The following PCDHGA2 variants were observed in gnomAD, a reference collection of about 807,000 sequenced individuals.
PCDHGA2 encodes protocadherin gamma-A2.
In PCDHGA2, 40 loss-of-function variants were observed where a neutral mutation model predicts 59.2. The ratio of observed to expected loss-of-function variants is 0.68; its 90% CI spans 0.52 to 0.88. The LOEUF is 0.88. PCDHGA2 is among the 40% of genes least tolerant of loss of function. The pLI, the probability that PCDHGA2 is intolerant of heterozygous loss-of-function variation, is 0.00. For missense variants in PCDHGA2, 1,226 were observed against 1,204.0 expected (o/e 1.02, Z -0.27); for synonymous variants, 560 against 526.0 (o/e 1.06, Z -0.89).
chr5:141,431,146 T>G lies in PCDHGA2; in HGVS notation c.2425-63661T>G. On this transcript the variant is annotated intron_variant, in intron 1 of 3. Coordinates refer to ENST00000394576, the MANE Select transcript of PCDHGA2 (RefSeq NM_018915.4). The surrounding 1 kb of genome is among the most constrained non-coding windows in gnomAD (Gnocchi z 4.8). The stretch of plus-strand genomic sequence containing the variant: ...TAGAAGTAAGGGACATTAACGACAA[T>G]GCGCCTTACTTTCGTGAAAGTGAAT... 6.2e-7 allele frequency: 1 copy of G among 1,614,124 alleles called. No individual in the cohort carries two copies. Among genetic ancestry groups the G allele is most frequent in the African/African-American group, 1.3e-5 (1 of 75,022 alleles).
At position 141,491,346 on chromosome 5, in the gene PCDHGA2, T is replaced by A. The variant is rs760843553; in HGVS notation, c.2425-3461T>A. ...TCATTGTGGCTCTAGCGACCGTCAG[T>A]CTCTTATCCCTAGTCACCTTCACCT... On this transcript the variant is annotated intron_variant, in intron 1 of 3. Coordinates refer to ENST00000394576, the MANE Select transcript of PCDHGA2 (RefSeq NM_018915.4). This position sits in a 1 kb window ranked among gnomAD's most constrained non-coding sequence, Gnocchi z 6.9. The A allele has an allele frequency of 6.2e-7, 1 of 1,614,088 alleles. No individual in the cohort carries two copies. The highest frequency in any genetic ancestry group is 1.1e-5 in the South Asian group (1 of 91,080).
chr5:141,371,080 G>C (rs1409150939), intron 1 of PCDHGA2: 1 of 1,613,876 alleles, frequency 6.2e-7, no homozygotes, highest in East Asian at 2.2e-5. Context: ...ACCCAGATCA[G>C]GGTAATTGTC....
rs968865313 is a variant in PCDHGA2, at chr5:141,511,294, C to T, written c.*121C>T. 1 of 1,506,752 alleles carries T rather than the reference C, an allele frequency of 6.6e-7. No individual in the cohort carries two copies. Among genetic ancestry groups the T allele is most frequent in the Non-Finnish European group, 8.9e-7 (1 of 1,123,692 alleles). 93.3% of individuals were successfully genotyped at this position (1,506,752 alleles called of 1,614,324 possible). On this transcript the variant is annotated 3_prime_UTR_variant, in exon 4 of 4. Coordinates refer to ENST00000394576, the MANE Select transcript of PCDHGA2 (RefSeq NM_018915.4). ...CCCAGAATACTGGTAGGGGCCAAGG[C>T]CATGCTCCCCTTGGGAAACAGAAAC...
intron 1 of PCDHGA2, among the ~76,000 whole-genome samples, chr5:141,387,466 C>G (rs1589036513): frequency 6.6e-6 from 1 of 152,194 alleles, no homozygotes; most frequent in Non-Finnish European, 1.5e-5. Context: ...TAAAAATCCT[C>G]AAAGTTGGGA....
At chr5:141,364,497 C>T (rs768698440) in intron 1 of PCDHGA2, 1 of 1,614,016 alleles carries the variant, frequency 6.2e-7, no homozygotes. Flanking sequence ...GGGCTGGAGC[C>T]CCAGGAGCTG....
intron 1 of PCDHGA2, among the ~76,000 whole-genome samples, chr5:141,443,679 A>G (rs1158105871): frequency 6.6e-6 from 1 of 152,268 alleles, no homozygotes; most frequent in African/African-American, 2.4e-5. Flanking sequence ...AGTAGTTTAC[A>G]AACACTTCAA....
chr5:141,438,635 T>C (rs1325567714), intron 1 of PCDHGA2, among the ~76,000 whole-genome samples: 9 of 33,420 alleles, frequency 2.7e-4, no homozygotes, highest in East Asian at 1.8e-3. Flanking sequence ...TATATATATA[T>C]ACACACACAC....
rs760550572 is a variant in PCDHGA2 at position 141,340,694 on chromosome 5, G to T, written c.1723G>T (p.Val575Leu). The change falls in exon 1 of 4, where the codon GTG becomes TTG. Residue 575 changes from valine to leucine, a missense_variant. Val to Leu is a conservative substitution (Grantham distance 32, BLOSUM62 1). Transcript: ENST00000394576. ...CTTCCCCACAGACGGTTCCACTGGCGTGGAGCTGGCGCCCCGCTCCGCAGA... is the reference window on the plus strand; with the variant it reads ...CTTCCCCACAGACGGTTCCACTGGCTTGGAGCTGGCGCCCCGCTCCGCAGA... ...PAFPTDGSTGVELAPRSAEPG... is the reference protein window; with the variant it reads ...PAFPTDGSTGLELAPRSAEPG... 1 of 1,614,176 alleles carries T rather than the reference G, an allele frequency of 6.2e-7. No individual in the cohort carries two copies. Among genetic ancestry groups the T allele is most frequent in the South Asian group, 1.1e-5 (1 of 91,086 alleles).
chr5:141,378,535 T>C (rs1235721694), intron 1 of PCDHGA2: 1 of 152,092 alleles, frequency 6.6e-6, no homozygotes, highest in Non-Finnish European at 1.5e-5. Context: ...AAAATAATAA[T>C]GATAATTAAT....
At chr5:141,385,370 A>G (rs1165174523) in intron 1 of PCDHGA2, 1 of 1,530,088 alleles carries the variant, frequency 6.5e-7, no homozygotes, top group South Asian at 1.3e-5. Flanking sequence ...TATTTGCATG[A>G]TATTTCTCTA....
chr5:141,502,087 C>T (rs1289663374), intron 2 of PCDHGA2, among the ~76,000 whole-genome samples: 1 of 152,180 alleles, frequency 6.6e-6, no homozygotes, highest in Admixed American at 6.5e-5. Context: ...GGGCTGAGAA[C>T]ACCTGGCCTT....
intron 1 of PCDHGA2, chr5:141,388,093 C>T: frequency 7.3e-7 from 1 of 1,371,560 alleles, no homozygotes; most frequent in South Asian, 1.3e-5. Context: ...CGCGTCAGTT[C>T]GGAGAAGCCT....
intron 1 of PCDHGA2, chr5:141,395,373 G>A (rs2150613921): frequency 1.7e-6 from 2 of 1,189,412 alleles, no homozygotes; most frequent in African/African-American, 3.1e-5. Context: ...TATTTTGGTG[G>A]TGTTACTATA....
chr5:141,498,509 C>T (rs2099784058), intron 2 of PCDHGA2, among the ~76,000 whole-genome samples: 1 of 151,740 alleles, frequency 6.6e-6, no homozygotes, highest in East Asian at 1.9e-4. Flanking sequence ...TCCCTCCCCA[C>T]CATCTTGCCC....
chr5:141,376,118 G>T, intron 1 of PCDHGA2: 1 of 1,613,826 alleles, frequency 6.2e-7, no homozygotes, highest in Non-Finnish European at 8.5e-7. Context: ...GGGCAGCCTC[G>T]AGCCCTCCGC....
intron 1 of PCDHGA2, chr5:141,364,853 A>G (rs1352459567): frequency 6.2e-7 from 1 of 1,614,022 alleles, no homozygotes; most frequent in Non-Finnish European, 8.5e-7. Context: ...GCTCAGCTCC[A>G]ATCTGCACTT....
rs369204878 is a variant in PCDHGA2, at chr5:141,345,264, G to A, written c.2424+3869G>A. 11 of 1,613,796 alleles carry A rather than the reference G, an allele frequency of 6.8e-6. No homozygotes were observed. The highest frequency in any genetic ancestry group is 6.7e-5 in the African/African-American group (5 of 74,872). On this transcript the variant is annotated intron_variant, in intron 1 of 3. Transcript: ENST00000394576. ...CCGCTTAGTGACGGCCACATCCCTG[G>A]ACCGCGAACAAATATCAGAATATAA... is the stretch of plus-strand genomic sequence containing the variant.
At position 141,390,867 on chromosome 5, in the gene PCDHGA2, CGTGT is replaced by C. The variant is rs61319619; in HGVS notation, c.2424+49490_2424+49493del. The C allele has an allele frequency of 5.1e-4, 77 of 151,148 alleles. No homozygotes were observed. The East Asian group carries it at 6.0e-3, about 12-fold the overall frequency. 9.4% of individuals were successfully genotyped at this position (151,148 alleles called of 1,614,324 possible). A position where few individuals can be genotyped will look rare whatever the true frequency, so the allele number is the denominator to read the frequency against. On this transcript the variant is annotated intron_variant, in intron 1 of 3. Coordinates refer to ENST00000394576, the MANE Select transcript of PCDHGA2 (RefSeq NM_018915.4). ...TTATATGCAGTGTACGCTGTGTGTG[CGTGT>C]GTGTGTGTGTGTGTGTGAGAGAGAT...
At chr5:141,386,155 C>T (rs763846568) in intron 1 of PCDHGA2, among the ~76,000 whole-genome samples, 3 of 152,278 alleles carry the variant, frequency 2.0e-5, no homozygotes, top group South Asian at 2.1e-4. Flanking sequence ...AACTGTCTCA[C>T]GTACTCAAAC....
Sources: allele counts gnomAD v4.1 joint callset (sites outside exome capture counted in the v4.1 genomes callset), GRCh38; gene constraint gnomAD v4.1.1; non-coding constraint Gnocchi (gnomAD v3.1); transcripts MANE v1.5; gene names NCBI Gene and HGNC (gene_info 2026-07-23, HGNC 2026-07-21).